The following AP2B1 variants were observed in gnomAD, a reference collection of about 807,000 sequenced individuals.
AP2B1 encodes the protein AP-2 complex subunit beta.
In AP2B1, 23 loss-of-function variants were observed where a neutral mutation model predicts 102.0. That is an observed-to-expected ratio of 0.23 (90% CI 0.16 to 0.32). The LOEUF is 0.32. Among genes scored for constraint, AP2B1 ranks in the 10% least tolerant of loss-of-function variants. The pLI is 1.00. For missense variants in AP2B1, 541 were observed against 1,157.4 expected (o/e 0.47, Z 7.73); for synonymous variants, 381 against 421.2 (o/e 0.90, Z 1.17).
rs571095098 is a variant in AP2B1, at chr17:35,605,533, A to T, written c.144-172A>T. On this transcript the variant is annotated intron_variant, in intron 3 of 21. Coordinates refer to ENST00000610402, the MANE Select transcript of AP2B1 (RefSeq NM_001030006.2). ...CCAGAGTGCTGGGATTATAGGCGTG[A>T]GCCACCGTGCCCAGCCAGTTTCTTT... is the stretch of plus-strand genomic sequence containing the variant. 3.9e-5 allele frequency among the ~76,000 whole-genome samples: 6 copies of T among 152,328 alleles called. No individual in the cohort carries two copies. In the South Asian group the frequency reaches 6.2e-4, roughly 16 times the overall value.
At chr17:35,722,263 T>G (rs1555593420) in intron 21 of AP2B1, among the ~76,000 whole-genome samples, 1 of 152,064 alleles carries the variant, frequency 6.6e-6, no homozygotes, top group East Asian at 1.9e-4. Flanking sequence ...ATTGCTTCAA[T>G]AGGGAGTTTG....
chr17:35,637,486 T>G (rs771654134), intron 10 of AP2B1, among the ~76,000 whole-genome samples: 2 of 152,090 alleles, frequency 1.3e-5, no homozygotes, highest in Middle Eastern at 3.2e-3. Context: ...GGCCCACTTC[T>G]GATCGTCTTT....
At position 35,680,686 on chromosome 17, in the gene AP2B1, G is replaced by GTTTTTT. The variant is rs1167550201; in HGVS notation, c.2325-2001_2325-1996dup. ...CCACCATGCCCAGTCTATGGTTTTG[G>GTTTTTT]TTTTTTTTTTTTTGTTTTTTTTTTT... On this transcript the variant is annotated intron_variant, in intron 17 of 21. Coordinates refer to ENST00000610402, the MANE Select transcript of AP2B1 (RefSeq NM_001030006.2). 8.1e-3 allele frequency among the ~76,000 whole-genome samples: 485 copies of GTTTTTT among 59,814 alleles called. 8 individuals are homozygous for GTTTTTT. Among genetic ancestry groups the GTTTTTT allele is most frequent in the Middle Eastern group, 0.02 (2 of 102 alleles). 39.2% of individuals were successfully genotyped at this position (59,814 alleles called of 152,430 possible).
At chr17:35,602,116 T>TA (rs1293084767) in intron 3 of AP2B1, among the ~76,000 whole-genome samples, 1 of 152,232 alleles carries the variant, frequency 6.6e-6, no homozygotes, top group East Asian at 1.9e-4. Context: ...CTATTGCTGA[T>TA]ACTTTATTAT....
At chr17:35,702,936 AAATT>A (rs2076265675) in intron 18 of AP2B1, among the ~76,000 whole-genome samples, 3 of 152,228 alleles carry the variant, frequency 2.0e-5, no homozygotes, top group African/African-American at 7.2e-5. Context: ...AAGAGCATGT[AAATT>A]AATTCAACCC....
At chr17:35,621,923 AACTGGTAACCAAG>A (rs1465249623) in intron 5 of AP2B1, among the ~76,000 whole-genome samples, 2 of 152,198 alleles carry the variant, frequency 1.3e-5, no homozygotes, top group Non-Finnish European at 2.9e-5. Context: ...TATTTCAGAC[AACTGGTAACCAAG>A]ACTGGGCATG....
At chr17:35,591,850 G>A (rs1238804756) in intron 1 of AP2B1, among the ~76,000 whole-genome samples, 1 of 152,158 alleles carries the variant, frequency 6.6e-6, no homozygotes, top group Non-Finnish European at 1.5e-5. Flanking sequence ...CATAAGGCAA[G>A]CTTCAGTATA....
At chr17:35,684,035 A>C (rs1210227283) in intron 18 of AP2B1, among the ~76,000 whole-genome samples, 2 of 152,214 alleles carry the variant, frequency 1.3e-5, no homozygotes, top group Non-Finnish European at 2.9e-5. Flanking sequence ...CAAATCAATA[A>C]ATTAATATAA....
At chr17:35,604,353 C>G (rs565744955) in intron 3 of AP2B1, among the ~76,000 whole-genome samples, 11 of 152,128 alleles carry the variant, frequency 7.2e-5, no homozygotes, top group African/African-American at 1.2e-4. Flanking sequence ...AAGCAGTCCT[C>G]CCACCATGGC....
intron 5 of AP2B1, among the ~76,000 whole-genome samples, chr17:35,608,952 TC>T (rs2073775357): frequency 6.6e-6 from 1 of 152,190 alleles, no homozygotes; most frequent in Non-Finnish European, 1.5e-5. Flanking sequence ...GAAGGTCAAG[TC>T]CCAAGTGATA....
rs1019988515 is a variant in AP2B1 at position 35,665,195 on chromosome 17, C to T, written c.1990-5662C>T. Among the ~76,000 whole-genome samples the T allele has an allele frequency of 4.1e-5, 6 of 145,880 alleles. No homozygotes were observed. The East Asian group carries it at 6.4e-4, about 15-fold the overall frequency. On this transcript the variant is annotated intron_variant, in intron 14 of 21. Coordinates refer to ENST00000610402, the MANE Select transcript of AP2B1 (RefSeq NM_001030006.2). ...AGGCTAGAAAGCAGTGGCACTATCA[C>T]GACATACTGCAGCCTTGACCTCCCT...
chr17:35,601,402 C>G (rs1036785569), intron 3 of AP2B1, among the ~76,000 whole-genome samples: 1 of 151,996 alleles, frequency 6.6e-6, no homozygotes, highest in African/African-American at 2.4e-5. Flanking sequence ...CAATCTCGGC[C>G]CACTGCAGCC....
intron 18 of AP2B1, among the ~76,000 whole-genome samples, chr17:35,684,727 A>T (rs1181662892): frequency 6.6e-6 from 1 of 152,218 alleles, no homozygotes; most frequent in Non-Finnish European, 1.5e-5. Flanking sequence ...CCAAATCTAC[A>T]TCTGTTCCCT....
chr17:35,690,633 T>C (rs226087), intron 18 of AP2B1, among the ~76,000 whole-genome samples: 132,428 of 152,168 alleles, frequency 0.87, 58,040 homozygotes, highest in African/African-American at 0.97. Flanking sequence ...TTTAACACTC[T>C]CCTCCTCTCC....
Position 35,682,801 on chromosome 17 carries a change from A to G in AP2B1, c.2431A>G (p.Met811Val), listed in dbSNP as rs373853532. 1 of 1,612,142 alleles carries G rather than the reference A, an allele frequency of 6.2e-7. No individual in the cohort carries two copies. Among genetic ancestry groups the G allele is most frequent in the Non-Finnish European group, 8.5e-7 (1 of 1,178,744 alleles). The change falls in exon 18 of 22, where the codon ATG (methionine) becomes GTG (valine). Residue 811 changes from methionine to valine, a missense_variant. Transcript: ENST00000610402. ...CAATACCTTGGGCCCAGTCATGAAGATGGAACCTCTGAATAACCTCCAGGT... is the reference window on the plus strand; with the variant it reads ...CAATACCTTGGGCCCAGTCATGAAGGTGGAACCTCTGAATAACCTCCAGGT... ...PLNTLGPVMKMEPLNNLQVAV... is the reference protein window; with the variant it reads ...PLNTLGPVMKVEPLNNLQVAV...
intron 12 of AP2B1, among the ~76,000 whole-genome samples, chr17:35,648,727 G>A (rs555478389): frequency 3.9e-4 from 55 of 139,702 alleles, no homozygotes; most frequent in Admixed American, 3.6e-3. Flanking sequence ...ATATGAAACT[G>A]GTTTTATATG....
At chr17:35,680,938 G>A (rs1029107593) in intron 17 of AP2B1, among the ~76,000 whole-genome samples, 6 of 151,792 alleles carry the variant, frequency 4.0e-5, no homozygotes, top group South Asian at 4.2e-4. Context: ...TAAGTGATCC[G>A]CCCGCTGCAG....
intron 12 of AP2B1, among the ~76,000 whole-genome samples, chr17:35,647,954 T>G (rs2074982365): frequency 6.6e-6 from 1 of 151,624 alleles, no homozygotes; most frequent in Middle Eastern, 3.2e-3. Flanking sequence ...TGCAGTGACT[T>G]GATCTCAGCT....
intron 16 of AP2B1, among the ~76,000 whole-genome samples, chr17:35,672,265 C>G (rs1170486897): frequency 6.6e-6 from 1 of 152,130 alleles, no homozygotes; most frequent in Non-Finnish European, 1.5e-5. Flanking sequence ...TCCTCTTTCC[C>G]CATTGGTATT....
Sources: gnomAD v4.1 joint callset for allele counts (sites outside exome capture counted in the v4.1 genomes callset) on GRCh38, gnomAD v4.1.1 for gene constraint, MANE v1.5 for transcripts, NCBI Gene and HGNC (gene_info 2026-07-23, HGNC 2026-07-21) for gene names.